Variants in OPCML observed in about 807,000 individuals in gnomAD.
The protein encoded by OPCML is opioid binding protein/cell adhesion molecule like, also known as opioid-binding protein/cell adhesion molecule.
Under a neutral mutation model 37.8 loss-of-function variants are expected in OPCML, and 13 were observed. That is an observed-to-expected ratio of 0.34 (90% CI 0.22 to 0.55). OPCML has a LOEUF of 0.55. Ranked by LOEUF, OPCML falls within the 20% of genes least tolerant of loss-of-function variation. The pLI is 0.91. For missense variants in OPCML, 341 were observed against 435.6 expected, an observed-to-expected ratio of 0.78 and a Z score of 1.93; for synonymous variants, 176 against 168.8, an observed-to-expected ratio of 1.04 and a Z score of -0.33.
chr11:132,702,591 T>G (rs1393930954), intron 2 of OPCML, among the ~76,000 whole-genome samples: 2 of 152,150 alleles, frequency 1.3e-5, no homozygotes, highest in African/African-American at 4.8e-5. Flanking sequence ...TGGATATGGA[T>G]ATTCATTTTC....
intron 3 of OPCML, among the ~76,000 whole-genome samples, chr11:132,581,734 GACT>G (rs1466343201): frequency 2.0e-5 from 3 of 152,012 alleles, no homozygotes; most frequent in Non-Finnish European, 4.4e-5. Context: ...TTTCCTTTTG[GACT>G]AAAGATTAGA....
chr11:132,844,449 T>G (rs73041448), intron 2 of OPCML, among the ~76,000 whole-genome samples: 32,728 of 151,990 alleles, frequency 0.22, 3,934 homozygotes, highest in African/African-American at 0.31. Context: ...GGGGGAGGTA[T>G]ATTTGTATTA....
intron 1 of OPCML, among the ~76,000 whole-genome samples, chr11:133,442,687 G>C (rs995754366): frequency 6.6e-6 from 1 of 151,004 alleles, no homozygotes; most frequent in Non-Finnish European, 1.5e-5. Context: ...GTGACCTACT[G>C]TTCCCTGAAA....
intron 1 of OPCML, among the ~76,000 whole-genome samples, chr11:133,264,666 C>CA (rs1941600022): frequency 1.3e-5 from 2 of 152,090 alleles, no homozygotes; most frequent in South Asian, 4.2e-4. Flanking sequence ...GAAGCAAGTG[C>CA]AAACCTCAGA....
At chr11:132,559,509 T>G (rs1311534728) in intron 3 of OPCML, among the ~76,000 whole-genome samples, 1 of 152,188 alleles carries the variant, frequency 6.6e-6, no homozygotes, top group Non-Finnish European at 1.5e-5. Flanking sequence ...GCCACCAGCT[T>G]GCCGCTGGGG....
In OPCML at chr11:132,582,149, T is replaced by TGTGTGA. The variant is rs879738609; in HGVS notation, c.380-52964_380-52963insTCACAC. 5.3e-3 allele frequency among the ~76,000 whole-genome samples: 681 copies of TGTGTGA among 129,708 alleles called. 7 individuals carry two copies. Among genetic ancestry groups the TGTGTGA allele is most frequent in the African/African-American group, 0.015 (553 of 35,720 alleles). The allele number at this position is 129,708 out of a possible 152,430, so 85.1% of individuals were successfully genotyped here. ...GTGTGTGTGTGTGTGTGTGTGTGTG[T>TGTGTGA]GAAACAGAGAGAGAGAGTGCCTGCA... On this transcript the variant is annotated intron_variant, in intron 3 of 7. Transcript: ENST00000524381.
At chr11:132,867,138 C>G (rs1484577358) in intron 2 of OPCML, among the ~76,000 whole-genome samples, 1 of 152,212 alleles carries the variant, frequency 6.6e-6, no homozygotes, top group African/African-American at 2.4e-5. Context: ...AGTGATCTCT[C>G]AGAGTCTTCC....
intron 2 of OPCML, chr11:132,860,514 C>G (rs1210296434): frequency 6.6e-6 from 1 of 152,060 alleles, no homozygotes; most frequent in Non-Finnish European, 1.5e-5. Flanking sequence ...GCAGGCCTGT[C>G]CCCCGAAGGC....
intron 1 of OPCML, among the ~76,000 whole-genome samples, chr11:133,097,964 A>C (rs1005943350): frequency 1.3e-5 from 2 of 152,228 alleles, no homozygotes; most frequent in African/African-American, 2.4e-5. Flanking sequence ...AATTCTCTAC[A>C]ATCTCTTTCT....
intron 4 of OPCML, among the ~76,000 whole-genome samples, chr11:132,501,434 G>T (rs1287479104): frequency 2.0e-5 from 3 of 152,130 alleles, no homozygotes; most frequent in Non-Finnish European, 4.4e-5. Context: ...CATAGCGCTG[G>T]GGCCTGTACT....
intron 1 of OPCML, among the ~76,000 whole-genome samples, chr11:133,484,122 A>AT (rs36152527): frequency 0.25 from 31,836 of 129,664 alleles, 3,906 homozygotes; most frequent in African/African-American, 0.39. Flanking sequence ...TGATAGATAG[A>AT]TGATTGATAG....
intron 2 of OPCML, among the ~76,000 whole-genome samples, chr11:132,679,249 A>C (rs1233526536): frequency 6.6e-6 from 1 of 152,170 alleles, no homozygotes; most frequent in Non-Finnish European, 1.5e-5. Flanking sequence ...TCCTAGATAC[A>C]TACACAGGAG....
chr11:132,507,345 G>T, intron 4 of OPCML, among the ~76,000 whole-genome samples: 1 of 151,906 alleles, frequency 6.6e-6, no homozygotes, highest in South Asian at 2.1e-4. Context: ...TCTCAGTCTG[G>T]ATGTTTATGT....
intron 2 of OPCML, among the ~76,000 whole-genome samples, chr11:132,866,533 G>C (rs1202104412): frequency 6.6e-6 from 1 of 152,146 alleles, no homozygotes. Context: ...ACCAAGAGAA[G>C]GGAATCATCA....
intron 1 of OPCML, among the ~76,000 whole-genome samples, chr11:133,192,124 G>T (rs1938348984): frequency 6.6e-6 from 1 of 152,322 alleles, no homozygotes; most frequent in African/African-American, 2.4e-5. Flanking sequence ...GAAGGCCTTT[G>T]TGGGGCATTG....
At chr11:133,315,274 A>T (rs78843773) in intron 1 of OPCML, among the ~76,000 whole-genome samples, 8,354 of 152,280 alleles carry the variant, frequency 0.055, 253 homozygotes, top group Middle Eastern at 0.078. Context: ...ATTTAATTGG[A>T]CATATTATTC....
chr11:133,279,540 C>T (rs1277320039), intron 1 of OPCML, among the ~76,000 whole-genome samples: 1 of 152,148 alleles, frequency 6.6e-6, no homozygotes, highest in Admixed American at 6.5e-5. Flanking sequence ...TACTTTGTTC[C>T]CCTCTGCCAG....
chr11:133,413,506 T>C (rs139000777), intron 1 of OPCML, among the ~76,000 whole-genome samples: 89 of 151,266 alleles, frequency 5.9e-4, no homozygotes, highest in African/African-American at 2.0e-3. Flanking sequence ...TAAATAAATA[T>C]ATAAAAACAA....
In OPCML at chr11:132,416,815, T is replaced by C. The variant is rs1466877860; in HGVS notation, c.*3378A>G. The C allele has an allele frequency of 6.6e-6, 1 of 152,592 alleles. No individual in the cohort carries two copies. The highest frequency in any genetic ancestry group is 1.9e-4 in the East Asian group (1 of 5,194). The allele number at this position is 152,592 out of a possible 1,614,324, so 9.5% of individuals were successfully genotyped here. ...TTCTCTACATCTCCCCCTCCCTGAA[T>C]TAAAGCAAGAATGAGAAAAACTAAA... On this transcript the variant is annotated 3_prime_UTR_variant, in exon 8 of 8. Transcript: ENST00000524381.
Sources: gnomAD v4.1 joint callset for allele counts (sites outside exome capture counted in the v4.1 genomes callset) on GRCh38, gnomAD v4.1.1 for gene constraint, MANE v1.5 for transcripts, NCBI Gene and HGNC (gene_info 2026-07-23, HGNC 2026-07-21) for gene names.